Variants in NAA15 observed in about 807,000 individuals in gnomAD.
NAA15 encodes N-alpha-acetyltransferase 15, NatA auxiliary subunit.
Under a neutral mutation model 114.0 loss-of-function variants are expected in NAA15, and 34 were observed. The ratio of observed to expected loss-of-function variants is 0.30; its 90% confidence interval spans 0.23 to 0.40. NAA15 has a LOEUF of 0.40. Among genes scored for constraint, NAA15 ranks in the 10% least tolerant of loss-of-function variants. NAA15 has a pLI of 1.00. For synonymous variants in NAA15, 340 were observed against 338.0 expected (o/e 1.01, Z -0.06); for missense variants, 658 against 1,004.5 (o/e 0.66, Z 4.66).
At chr4:139,371,485 A>AC (rs1003349695) in intron 15 of NAA15, among the ~76,000 whole-genome samples, 1 of 140,886 alleles carries the variant, frequency 7.1e-6, no homozygotes, top group Non-Finnish European at 1.5e-5. Flanking sequence ...AAAAAAAAAA[A>AC]AAAGAAAAGT....
In NAA15 at chr4:139,312,006, A is replaced by G. The variant is rs77208007; in HGVS notation, c.54+10175A>G. On this transcript the variant is annotated intron_variant, in intron 1 of 19. Coordinates refer to ENST00000296543, the MANE Select transcript of NAA15 (RefSeq NM_057175.5). ...TGAGGGAAAGTAATCGTAGTGTTAG[A>G]GTTGCTTTGTGTTTTTCAGAAAATT... Among the ~76,000 whole-genome samples the G allele has an allele frequency of 8.6e-3, 1,307 of 151,882 alleles. 42 individuals are homozygous for G. The highest frequency in any genetic ancestry group is 0.03 in the African/African-American group (1,252 of 41,340).
intron 1 of NAA15, among the ~76,000 whole-genome samples, chr4:139,305,539 G>GTTTT (rs11454836): frequency 7.4e-6 from 1 of 135,498 alleles, no homozygotes; most frequent in African/African-American, 2.7e-5. Flanking sequence ...GTAACTTGTT[G>GTTTT]TTTTTTTTTT....
intron 1 of NAA15, among the ~76,000 whole-genome samples, chr4:139,327,734 C>T (rs1469533907): frequency 2.6e-5 from 4 of 151,876 alleles, no homozygotes; most frequent in Middle Eastern, 3.4e-3. Flanking sequence ...GGCACAATCT[C>T]AGCTCACTGT....
At chr4:139,370,495 T>G (rs903009099) in intron 15 of NAA15, 91 bp downstream of exon 15, 1 of 1,243,344 alleles carries the variant, frequency 8.0e-7, no homozygotes, top group Non-Finnish European at 1.1e-6. Context: ...GTATATAACC[T>G]TATGTGATAT....
chr4:139,355,332 C>T (rs914494662), intron 10 of NAA15, among the ~76,000 whole-genome samples: 3 of 151,718 alleles, frequency 2.0e-5, no homozygotes, highest in Admixed American at 2.0e-4. Context: ...TGATGTGTCT[C>T]TTAAACTCTT....
chr4:139,381,519 A>G (rs1748754789), intron 17 of NAA15, among the ~76,000 whole-genome samples: 1 of 152,124 alleles, frequency 6.6e-6, no homozygotes, highest in Admixed American at 6.6e-5. Flanking sequence ...TTCTTTCATA[A>G]TCTAATTTGT....
In NAA15 at chr4:139,314,369, A is replaced by G. The variant is rs373159418; in HGVS notation, c.54+12538A>G. ...TGTGTTCATCTAGAGTTTCTAATAGATGAAATTCATAGAAGCAAACATGAA... is the reference window on the plus strand; with the variant it reads ...TGTGTTCATCTAGAGTTTCTAATAGGTGAAATTCATAGAAGCAAACATGAA... On this transcript the variant is annotated intron_variant, in intron 1 of 19. Transcript: ENST00000296543. 5.3e-5 allele frequency among the ~76,000 whole-genome samples: 8 copies of G among 152,086 alleles called. No individual in the cohort carries two copies. In the South Asian group the frequency reaches 1.7e-3, roughly 32 times the overall value.
At chr4:139,325,312 A>C (rs995612108) in intron 1 of NAA15, among the ~76,000 whole-genome samples, 1 of 152,212 alleles carries the variant, frequency 6.6e-6, no homozygotes, top group Admixed American at 6.5e-5. Context: ...ATAACCTTTA[A>C]CATTTAATAA....
At chr4:139,340,819 TTA>T in intron 3 of NAA15, 91 bp from the exon 4 acceptor site, 1 of 983,634 alleles carries the variant, frequency 1.0e-6, no homozygotes, top group South Asian at 2.5e-5. Context: ...GCTTGTAGTT[TTA>T]TAAATGGCTG....
chr4:139,345,653 G>T (rs1003550553), intron 6 of NAA15, among the ~76,000 whole-genome samples: 1 of 152,144 alleles, frequency 6.6e-6, no homozygotes, highest in African/African-American at 2.4e-5. Flanking sequence ...GGGCGCGGTG[G>T]CTCAACCCTG....
intron 5 of NAA15, 59 bp from the exon 6 acceptor site, chr4:139,344,127 C>T: frequency 7.1e-7 from 1 of 1,412,764 alleles, no homozygotes; most frequent in South Asian, 1.4e-5. Context: ...GTATTGTGAA[C>T]AATTTTCTGA....
chr4:139,335,365 T>C (rs1326561112), intron 2 of NAA15, among the ~76,000 whole-genome samples: 2 of 152,120 alleles, frequency 1.3e-5, no homozygotes, highest in African/African-American at 4.8e-5. Context: ...CATTTCACTG[T>C]TTTTTCTTCT....
chr4:139,325,871 C>T (rs1299937624), intron 1 of NAA15, among the ~76,000 whole-genome samples: 4 of 152,130 alleles, frequency 2.6e-5, no homozygotes, highest in Non-Finnish European at 5.9e-5. Flanking sequence ...GCGATCCTCT[C>T]ACCTCAGCCT....
chr4:139,356,833 A>G (rs1747967812), intron 10 of NAA15, among the ~76,000 whole-genome samples: 1 of 152,148 alleles, frequency 6.6e-6, no homozygotes, highest in African/African-American at 2.4e-5. Context: ...TTTTTGGGGT[A>G]TAGTTTTTAT....
intron 2 of NAA15, 106 bp from the exon 3 acceptor site, chr4:139,336,742 C>G: frequency 1.9e-6 from 1 of 523,302 alleles, no homozygotes. Flanking sequence ...ATTTTTAATT[C>G]TTAAGGCAGT....
intron 5 of NAA15, among the ~76,000 whole-genome samples, chr4:139,343,910 A>G (rs983902662): frequency 3.9e-5 from 6 of 152,100 alleles, no homozygotes; most frequent in Non-Finnish European, 7.4e-5. Context: ...TTGTAGGTTT[A>G]TTATTTGGCA....
chr4:139,324,660 A>C (rs1349496293), intron 1 of NAA15, among the ~76,000 whole-genome samples: 1 of 152,202 alleles, frequency 6.6e-6, no homozygotes, highest in Non-Finnish European at 1.5e-5. Flanking sequence ...GGCCGGGCGC[A>C]GTGGCTCACG....
chr4:139,373,326 A>G (rs1311491965), intron 15 of NAA15, among the ~76,000 whole-genome samples: 1 of 152,200 alleles, frequency 6.6e-6, no homozygotes, highest in Non-Finnish European at 1.5e-5. Context: ...ACTGAATACT[A>G]TAGGCAATTG....
At chr4:139,362,869 G>A (rs1479223774) in intron 14 of NAA15, among the ~76,000 whole-genome samples, 1 of 152,070 alleles carries the variant, frequency 6.6e-6, no homozygotes, top group Non-Finnish European at 1.5e-5. Flanking sequence ...TGTAGGAATT[G>A]GGGCATAAAA....
Sources: allele counts gnomAD v4.1 joint callset (sites outside exome capture counted in the v4.1 genomes callset), GRCh38; gene constraint gnomAD v4.1.1; transcripts MANE v1.5; gene names NCBI Gene and HGNC (gene_info 2026-07-23, HGNC 2026-07-21).